The following PARP4 variants were observed in gnomAD, a reference collection of about 807,000 sequenced individuals.
PARP4 encodes the protein poly(ADP-ribose) polymerase family member 4.
In PARP4, 120 loss-of-function variants were observed where a neutral mutation model predicts 187.7. The observed-to-expected ratio is 0.64, with a 90% CI of 0.55 to 0.74. The LOEUF (loss-of-function observed/expected upper bound fraction) is 0.74. Among genes scored for constraint, PARP4 ranks in the 30% least tolerant of loss-of-function variants. The pLI, the probability that PARP4 is intolerant of heterozygous loss-of-function variation, is 0.00. For synonymous variants in PARP4, 654 were observed against 740.9 expected (o/e 0.88, Z 1.90); for missense variants, 1,836 against 2,070.5 (o/e 0.89, Z 2.20).
At chr13:24,425,548 T>C in intron 33 of PARP4, among the ~76,000 whole-genome samples, 1 of 49,998 alleles carries the variant, frequency 2.0e-5, no homozygotes, top group South Asian at 4.2e-4. Flanking sequence ...TGTGCATGTG[T>C]GTGTGTGTGT....
chr13:24,427,370 CTTTT>C (rs35815244), intron 32 of PARP4, among the ~76,000 whole-genome samples: 8 of 133,580 alleles, frequency 6.0e-5, no homozygotes, highest in Non-Finnish European at 9.3e-5. Flanking sequence ...ATCCAAGCTT[CTTTT>C]TTTTTTTTTT....
At chr13:24,427,088 C>T (rs757719790) in intron 32 of PARP4, among the ~76,000 whole-genome samples, 26 of 152,010 alleles carry the variant, frequency 1.7e-4, no homozygotes, top group Non-Finnish European at 3.4e-4. Flanking sequence ...CAGAGTGCCC[C>T]TCACTTGCCA....
chr13:24,481,170 A>G (rs1468332081), intron 12 of PARP4, among the ~76,000 whole-genome samples: 2 of 152,242 alleles, frequency 1.3e-5, no homozygotes, highest in African/African-American at 4.8e-5. Flanking sequence ...ATGACAGCAC[A>G]TCTGTTTACA....
chr13:24,454,882 C>T (rs1417023729), intron 22 of PARP4, 135 bp downstream of exon 22: 2 of 639,832 alleles, frequency 3.1e-6, no homozygotes, highest in East Asian at 2.8e-5. Flanking sequence ...AGCTCCAGAG[C>T]TCTTGTTCTT....
intron 15 of PARP4, among the ~76,000 whole-genome samples, chr13:24,475,202 T>C (rs550310900): frequency 1.6e-4 from 25 of 152,112 alleles, no homozygotes; most frequent in Non-Finnish European, 3.2e-4. Context: ...TGTCACCACC[T>C]AACATGTTAT....
intron 12 of PARP4, among the ~76,000 whole-genome samples, chr13:24,479,315 C>A (rs1873143625): frequency 6.6e-6 from 1 of 152,142 alleles, no homozygotes; most frequent in South Asian, 2.1e-4. Context: ...TTGGAGGGCT[C>A]TTTTCCTGCA....
chr13:24,507,101 G>T (rs1593662336), intron 1 of PARP4, among the ~76,000 whole-genome samples: 1 of 152,356 alleles, frequency 6.6e-6, no homozygotes, highest in East Asian at 1.9e-4. Context: ...GCTGCTCAGA[G>T]TGCGGGGACC....
chr13:24,465,697 G>C (rs1490593105), intron 17 of PARP4, among the ~76,000 whole-genome samples: 2 of 151,906 alleles, frequency 1.3e-5, no homozygotes, highest in East Asian at 3.9e-4. Context: ...TGGGTTGATA[G>C]GTGCAGCAAA....
At position 24,443,735 on chromosome 13, in the gene PARP4, GT is replaced by G; in HGVS notation, c.3367-6del. The G allele has an allele frequency of 6.2e-7, 1 of 1,607,722 alleles. No homozygotes were observed. The highest frequency in any genetic ancestry group is 1.1e-5 in the South Asian group (1 of 90,494). ...GGCTGCCAGCTTGTGGATCATCTGT[GT>G]TTAAGCAGCAAAGGAAAAAAAATAT... On this transcript the variant is annotated splice_region_variant and splice_polypyrimidine_tract_variant and intron_variant, in intron 27 of 33. Transcript: ENST00000381989.
intron 33 of PARP4, among the ~76,000 whole-genome samples, chr13:24,422,838 A>G (rs1869817899): frequency 6.6e-6 from 1 of 151,988 alleles, no homozygotes. Context: ...CAATCTCTTA[A>G]CCTTGTGATC....
intron 6 of PARP4, 84 bp from the exon 7 acceptor site, chr13:24,494,806 G>C (rs1868853269): frequency 1.2e-6 from 1 of 816,062 alleles, no homozygotes; most frequent in Non-Finnish European, 1.9e-6. Flanking sequence ...GTAGGTCCTT[G>C]ACATGAAGAA....
chr13:24,449,122 C>T (rs991460174), intron 25 of PARP4, among the ~76,000 whole-genome samples: 9 of 152,130 alleles, frequency 5.9e-5, no homozygotes, highest in African/African-American at 2.2e-4. Context: ...GGCGCGGTGG[C>T]TCACGCCTGT....
At chr13:24,466,612 T>C (rs989809824) in intron 17 of PARP4, among the ~76,000 whole-genome samples, 1 of 151,622 alleles carries the variant, frequency 6.6e-6, no homozygotes, top group African/African-American at 2.4e-5. Context: ...CTGGCCAACA[T>C]GGTGAAACCC....
intron 30 of PARP4, among the ~76,000 whole-genome samples, chr13:24,438,122 T>C (rs918718866): frequency 2.0e-4 from 31 of 152,180 alleles, no homozygotes; most frequent in Non-Finnish European, 7.3e-5. Flanking sequence ...AAGTTCACAA[T>C]TGCTTATTTT....
chr13:24,460,475 C>CGGGTGGGTTCTGCTGCAT (rs1566001770), intron 17 of PARP4, among the ~76,000 whole-genome samples: 33 of 126,486 alleles, frequency 2.6e-4, no homozygotes, highest in Admixed American at 4.6e-4. Flanking sequence ...CTCTGCTGCA[C>CGGGTGGGTTCTGCTGCAT]GGGTGGGCTC....
chr13:24,493,549 C>A, intron 8 of PARP4, 47 bp downstream of exon 8: 1 of 1,579,214 alleles, frequency 6.3e-7, no homozygotes, highest in Non-Finnish European at 8.6e-7. Context: ...GCCAATCAAC[C>A]AGGAGGCAGA....
chr13:24,490,458 A>G (rs554440074), intron 10 of PARP4, among the ~76,000 whole-genome samples: 1 of 152,350 alleles, frequency 6.6e-6, no homozygotes, highest in South Asian at 2.1e-4. Context: ...GTAACCTTGA[A>G]ATCGGAGTGG....
At chr13:24,468,750 G>A (rs962645390) in intron 17 of PARP4, among the ~76,000 whole-genome samples, 21 of 152,242 alleles carry the variant, frequency 1.4e-4, no homozygotes, top group African/African-American at 4.8e-4. Context: ...TACCTCAAAT[G>A]TTATCTTTTT....
At chr13:24,421,460 A>C (rs1418138053) in intron 33 of PARP4, 146 bp from the exon 34 acceptor site, 73 of 1,095,496 alleles carry the variant, frequency 6.7e-5, no homozygotes, top group Middle Eastern at 3.1e-4. Context: ...CATCTTACGG[A>C]AGTTCTTCTG....
Sources: allele counts gnomAD v4.1 joint callset (sites outside exome capture counted in the v4.1 genomes callset), GRCh38; gene constraint gnomAD v4.1.1; transcripts MANE v1.5; gene names NCBI Gene and HGNC (gene_info 2026-07-23, HGNC 2026-07-21).